Variants in GALNT10 observed in about 807,000 individuals in gnomAD.
GALNT10 encodes polypeptide N-acetylgalactosaminyltransferase 10, also known as GalNAc transferase 10.
GALNT10 carries 41 observed loss-of-function variants against 75.0 expected under a neutral mutation model. The ratio of observed to expected loss-of-function variants is 0.55; its 90% CI spans 0.43 to 0.71. The LOEUF is 0.71. Ranked by LOEUF, GALNT10 falls within the 30% of genes least tolerant of loss-of-function variation. The pLI is 0.00. For missense variants in GALNT10, 727 were observed against 818.5 expected, an observed-to-expected ratio of 0.89 and a Z score of 1.36; for synonymous variants, 302 against 313.0, an observed-to-expected ratio of 0.96 and a Z score of 0.37.
At chr5:154,290,775 A>T (rs1384204187) in intron 1 of GALNT10, among the ~76,000 whole-genome samples, 1 of 152,166 alleles carries the variant, frequency 6.6e-6, no homozygotes, top group Non-Finnish European at 1.5e-5. Context: ...GAGTCAAAGG[A>T]CATGGTTTTT....
At chr5:154,240,879 T>C (rs1168199918) in intron 1 of GALNT10, among the ~76,000 whole-genome samples, 1 of 152,172 alleles carries the variant, frequency 6.6e-6, no homozygotes, top group Admixed American at 6.5e-5. Context: ...GGGCAAAATA[T>C]AGCAGAGCCT....
intron 4 of GALNT10, among the ~76,000 whole-genome samples, chr5:154,349,889 G>A (rs896362694): frequency 6.6e-6 from 1 of 152,164 alleles, no homozygotes; most frequent in Non-Finnish European, 1.5e-5. Context: ...AATTCCAGGA[G>A]CTGTGTTGTC....
chr5:154,244,969 T>C lies in GALNT10; in HGVS notation c.160-49847T>C, dbSNP rs1209707094. On this transcript the variant is annotated intron_variant, in intron 1 of 11. Transcript: ENST00000297107. ...GATGTAAGATAGAGATTGGGGGTGC[T>C]GATCACCAGGGGCCTGTGGGTTCTT... Among the ~76,000 whole-genome samples the C allele has an allele frequency of 2.0e-5, 3 of 152,300 alleles. No individual in the cohort carries two copies. The East Asian group carries it at 5.8e-4, about 29-fold the overall frequency.
chr5:154,367,484 G>T (rs1755494192), intron 4 of GALNT10, among the ~76,000 whole-genome samples: 1 of 152,206 alleles, frequency 6.6e-6, no homozygotes, highest in Admixed American at 6.5e-5. Flanking sequence ...GGAGGGATGG[G>T]AGGGCACCCA....
intron 3 of GALNT10, among the ~76,000 whole-genome samples, chr5:154,328,798 C>T (rs1038790584): frequency 1.4e-4 from 21 of 151,980 alleles, no homozygotes; most frequent in Non-Finnish European, 2.5e-4. Context: ...CAGGGGAACA[C>T]GTTTACCAGT....
chr5:154,265,905 A>T (rs1046325265), intron 1 of GALNT10, among the ~76,000 whole-genome samples: 13 of 24,424 alleles, frequency 5.3e-4, no homozygotes, highest in Admixed American at 2.0e-3. Flanking sequence ...CAATCTCATT[A>T]AAAAAAAAAA....
chr5:154,231,067 T>A (rs999413601), intron 1 of GALNT10, among the ~76,000 whole-genome samples: 14 of 152,200 alleles, frequency 9.2e-5, no homozygotes, highest in Non-Finnish European at 1.9e-4. Flanking sequence ...GGCCTCCTTG[T>A]CCTTATATAT....
At chr5:154,345,968 T>G (rs1214375592) in intron 4 of GALNT10, among the ~76,000 whole-genome samples, 2 of 144,164 alleles carry the variant, frequency 1.4e-5, no homozygotes, top group African/African-American at 5.3e-5. Flanking sequence ...TTTTTTTTTT[T>G]TTGTATTTTT....
At chr5:154,282,848 C>G (rs1754057764) in intron 1 of GALNT10, among the ~76,000 whole-genome samples, 1 of 152,192 alleles carries the variant, frequency 6.6e-6, no homozygotes, top group South Asian at 2.1e-4. Context: ...ATTCATTCAA[C>G]AGAAATTGAT....
intron 1 of GALNT10, among the ~76,000 whole-genome samples, chr5:154,191,358 T>A (rs1350095389): frequency 6.6e-6 from 1 of 152,054 alleles, no homozygotes; most frequent in African/African-American, 2.4e-5. Flanking sequence ...CCAGGATGAC[T>A]CCTGCCTTGT....
In GALNT10 at chr5:154,415,868, C is replaced by G. The variant is rs771607017; in HGVS notation, c.1589C>G (p.Thr530Ser). ...TTCTGCTTTGATGCCATTTCCCACACCAGCCCTGTCACGCTGTACGACTGC... is the reference window on the plus strand; with the variant it reads ...TTCTGCTTTGATGCCATTTCCCACAGCAGCCCTGTCACGCTGTACGACTGC... ...KKFCFDAISH[T>S]SPVTLYDCHS... is the part of the protein sequence containing the mutation. The change falls in exon 11 of 12, where the codon ACC (threonine) becomes AGC (serine). Residue 530 changes from threonine (T) to serine (S), a missense_variant. Transcript: ENST00000297107. 1.9e-6 allele frequency: 3 copies of G among 1,614,046 alleles called. No individual in the cohort carries two copies. Among genetic ancestry groups the G allele is most frequent in the South Asian group, 1.1e-5 (1 of 91,076 alleles).
chr5:154,190,982 C>T lies in GALNT10; in HGVS notation c.116C>T (p.Thr39Ile). 6.7e-7 allele frequency: 1 copy of T among 1,502,480 alleles called. No homozygotes were observed. The highest frequency in any genetic ancestry group is 8.9e-7 in the Non-Finnish European group (1 of 1,126,010). The allele number at this position is 1,502,480 out of a possible 1,614,324, so 93.1% of individuals were successfully genotyped here. ...ALYRERQPDG[T>I]PGGSGAAVAP... is the part of the protein sequence containing the mutation. ...TACCGCGAGCGGCAGCCCGACGGCA[C>T]CCCTGGGGGATCGGGGGCGGCGGTG... The change falls in exon 1 of 12, where the codon ACC (threonine) becomes ATC (isoleucine). Residue 39 changes from threonine to isoleucine, a missense_variant. Transcript: ENST00000297107.
intron 4 of GALNT10, among the ~76,000 whole-genome samples, chr5:154,343,256 A>C (rs895812631): frequency 1.3e-5 from 2 of 152,158 alleles, no homozygotes; most frequent in African/African-American, 4.8e-5. Context: ...GAAGCTCTCA[A>C]GAGATATTTG....
At chr5:154,328,089 A>G (rs1754783705) in intron 3 of GALNT10, among the ~76,000 whole-genome samples, 1 of 151,756 alleles carries the variant, frequency 6.6e-6, no homozygotes, top group South Asian at 2.1e-4. Context: ...AGGGGAAAAA[A>G]AAAAAGGAGG....
intron 1 of GALNT10, among the ~76,000 whole-genome samples, chr5:154,283,446 T>G (rs1396094103): frequency 6.6e-6 from 1 of 151,788 alleles, no homozygotes; most frequent in Non-Finnish European, 1.5e-5. Context: ...CAGAGCAAGA[T>G]CCTATCTCTT....
Position 154,386,213 on chromosome 5 carries a change from G to A in GALNT10, c.939-100G>A, listed in dbSNP as rs2113185179. 6.0e-6 allele frequency: 5 copies of A among 830,088 alleles called. No individual in the cohort carries two copies. The East Asian group carries it at 1.2e-4, about 20-fold the overall frequency. The allele number at this position is 830,088 out of a possible 1,614,324, so 51.4% of individuals were successfully genotyped here. A position where few individuals can be genotyped will look rare whatever the true frequency, so the allele number is the denominator to read the frequency against. On this transcript the variant is annotated intron_variant, in intron 6 of 11. Transcript: ENST00000297107. Reference sequence around the variant, plus strand: ...ACACTTGGACTGTGTTCAGGGAGCAGCATGGAACACCGCCGCTGGGGGAAT... The same window carrying A: ...ACACTTGGACTGTGTTCAGGGAGCAACATGGAACACCGCCGCTGGGGGAAT...
At chr5:154,271,984 C>T (rs185975094) in intron 1 of GALNT10, among the ~76,000 whole-genome samples, 49 of 152,290 alleles carry the variant, frequency 3.2e-4, no homozygotes, top group Middle Eastern at 3.4e-3. Context: ...TTATGAATAG[C>T]TCAAATAATA....
At chr5:154,397,824 CAGAG>C (rs1196552479) in intron 7 of GALNT10, among the ~76,000 whole-genome samples, 2 of 152,218 alleles carry the variant, frequency 1.3e-5, no homozygotes. Context: ...ATTTCCTCAA[CAGAG>C]AGAAGCTCTG....
chr5:154,290,091 AT>A lies in GALNT10; in HGVS notation c.160-4707del, dbSNP rs370050729. Among the ~76,000 whole-genome samples the A allele has an allele frequency of 8.9e-3, 1,214 of 135,916 alleles. 31 individuals carry two copies. The East Asian group carries it at 0.11, about 12-fold the overall frequency. 89.2% of individuals were successfully genotyped at this position (135,916 alleles called of 152,430 possible). ...CCCTTCAGGCTCCATGTACTCTGTA[AT>A]TTTTTTTTTTTTTTTTTGAGACGGA... On this transcript the variant is annotated intron_variant, in intron 1 of 11. Coordinates refer to ENST00000297107, the MANE Select transcript of GALNT10 (RefSeq NM_198321.4).
Sources: allele counts gnomAD v4.1 joint callset (sites outside exome capture counted in the v4.1 genomes callset), GRCh38; gene constraint gnomAD v4.1.1; transcripts MANE v1.5; gene names NCBI Gene and HGNC (gene_info 2026-07-23, HGNC 2026-07-21).